CPZ: variants seen among roughly 807,000 people sequenced by gnomAD.
CPZ encodes VEZT/CPZ fusion.
In CPZ, 103 loss-of-function variants were observed where a neutral mutation model predicts 61.8. That is an observed-to-expected ratio of 1.67 (90% CI 1.42 to 1.96). CPZ has a LOEUF of 1.96. Ranked by LOEUF, CPZ falls within the 30% of genes most tolerant of loss-of-function variation. The pLI, the probability that CPZ is intolerant of heterozygous loss-of-function variation, is 0.00. For missense variants in CPZ, 1,461 were observed against 914.9 expected (o/e 1.60, Z -7.70); for synonymous variants, 551 against 373.7 (o/e 1.47, Z -5.47).
intron 9 of CPZ, among the ~76,000 whole-genome samples, chr4:8,615,533 C>G (rs1560303493): frequency 6.6e-6 from 1 of 152,356 alleles, no homozygotes; most frequent in East Asian, 1.9e-4. Flanking sequence ...GAGGGCGCAG[C>G]ACCGTACAGT....
chr4:8,613,058 C>T (rs1201181881), intron 8 of CPZ, among the ~76,000 whole-genome samples: 1 of 152,212 alleles, frequency 6.6e-6, no homozygotes, highest in East Asian at 1.9e-4. Flanking sequence ...GGGCCCTCAG[C>T]CCCCGTCATA....
chr4:8,600,686 C>A (rs939982185), intron 2 of CPZ, among the ~76,000 whole-genome samples: 2 of 152,236 alleles, frequency 1.3e-5, no homozygotes, highest in South Asian at 4.1e-4. Context: ...AAGTCCTGAG[C>A]CCCAACTGAC....
At chr4:8,596,691 C>T (rs1042454260) in intron 1 of CPZ, among the ~76,000 whole-genome samples, 4 of 152,236 alleles carry the variant, frequency 2.6e-5, no homozygotes, top group African/African-American at 9.6e-5. Flanking sequence ...GAAACTGAGG[C>T]ACGGGCAGTG....
chr4:8,610,492 G>A (rs539094454), intron 7 of CPZ, among the ~76,000 whole-genome samples: 3 of 152,186 alleles, frequency 2.0e-5, no homozygotes, highest in Non-Finnish European at 2.9e-5. Context: ...GTGACACGGT[G>A]GGTTGGGTCA....
At position 8,606,029 on chromosome 4, in the gene CPZ, C is replaced by T. The variant is rs115075586; in HGVS notation, c.750C>T (p.Asn250=). The change falls in exon 5 of 11, where the codon AAC becomes AAT. Residue 250 remains asparagine (N), a synonymous_variant. Transcript: ENST00000360986. The part of the protein sequence containing the change: ...EVKLIGNIHG[N]EVAGREMLIY... ...AGCTCATCGGCAACATTCATGGCAA[C>T]GAGGTGGCGGGCCGGGAGATGCTCA... 5,153 of 1,614,092 alleles carry T rather than the reference C, an allele frequency of 3.2e-3. 153 individuals are homozygous for T. In the African/African-American group the frequency reaches 0.056, roughly 18 times the overall value.
At chr4:8,619,137 G>C in intron 10 of CPZ, 125 bp from the exon 11 acceptor site, 1 of 764,876 alleles carries the variant, frequency 1.3e-6, no homozygotes, top group Non-Finnish European at 2.1e-6. Context: ...GGCCCACACA[G>C]AGGCAAGTGC....
At chr4:8,615,762 C>T (rs796996933) in intron 9 of CPZ, among the ~76,000 whole-genome samples, 1 of 152,204 alleles carries the variant, frequency 6.6e-6, no homozygotes, top group Non-Finnish European at 1.5e-5. Flanking sequence ...CTGCTTCTTC[C>T]CAAGCCCTCT....
At chr4:8,611,255 G>A (rs866636103) in intron 7 of CPZ, 5 of 456,248 alleles carry the variant, frequency 1.1e-5, no homozygotes, top group African/African-American at 1.0e-4. Flanking sequence ...GACCCACCAG[G>A]AGCCTCTGCC....
rs760220072 is a variant in CPZ at position 8,618,500 on chromosome 4, C to G, written c.1575C>G (p.Val525=). 7 of 1,614,068 alleles carry G rather than the reference C, an allele frequency of 4.3e-6. No individual in the cohort carries two copies. Among genetic ancestry groups the G allele is most frequent in the Non-Finnish European group, 8.5e-7 (1 of 1,180,032 alleles). ...CAGTCAAAAACGCCCGGATCTCAGTCAAAGGCATTCGCCACGACATCACCA... is the reference window on the plus strand; with the variant it reads ...CAGTCAAAAACGCCCGGATCTCAGTGAAAGGCATTCGCCACGACATCACCA... The part of the protein sequence containing the change: ...GKPVKNARIS[V]KGIRHDITTA... Residue 525 remains valine (V), a synonymous_variant, in exon 10 of 11, where the codon GTC becomes GTG. Transcript: ENST00000360986.
chr4:8,604,707 TCCTGA>T (rs1271820590), intron 4 of CPZ, among the ~76,000 whole-genome samples: 1 of 152,184 alleles, frequency 6.6e-6, no homozygotes, highest in African/African-American at 2.4e-5. Context: ...AGTCTCGAAC[TCCTGA>T]CCTCAAGTGA....
chr4:8,596,404 C>T (rs1560288306), intron 1 of CPZ, among the ~76,000 whole-genome samples: 1 of 152,242 alleles, frequency 6.6e-6, no homozygotes, highest in African/African-American at 2.4e-5. Flanking sequence ...CCCTGGCAAA[C>T]AAACCCACCC....
intron 3 of CPZ, 76 bp downstream of exon 3, chr4:8,601,573 G>A (rs527383560): frequency 2.2e-6 from 3 of 1,370,298 alleles, no homozygotes; most frequent in South Asian, 1.7e-5. Context: ...ACACTGGAAG[G>A]AACTTGAGGG....
chr4:8,609,229 CATTGT>C (rs1157106595), intron 7 of CPZ, among the ~76,000 whole-genome samples: 2 of 147,220 alleles, frequency 1.4e-5, no homozygotes, highest in African/African-American at 5.2e-5. Flanking sequence ...CTTACTCACT[CATTGT>C]CACTCATTCA....
intron 7 of CPZ, among the ~76,000 whole-genome samples, chr4:8,608,084 TAAGAAAGCGG>T (rs1303750244): frequency 2.6e-5 from 4 of 151,328 alleles, no homozygotes; most frequent in Non-Finnish European, 1.5e-5. Flanking sequence ...ACACTGTGGA[TAAGAAAGCGG>T]AGGCTGAGGG....
chr4:8,608,600 A>C (rs113231546), intron 7 of CPZ, among the ~76,000 whole-genome samples: 5,992 of 150,638 alleles, frequency 0.04, 181 homozygotes, highest in Middle Eastern at 0.058. Flanking sequence ...AGAAACTGGC[A>C]AGGAGAAGAC....
intron 1 of CPZ, among the ~76,000 whole-genome samples, chr4:8,593,791 G>A (rs1209443048): frequency 6.6e-6 from 1 of 152,200 alleles, no homozygotes; most frequent in Non-Finnish European, 1.5e-5. Flanking sequence ...CCAGTGCGCT[G>A]TGTCGACACT....
chr4:8,610,340 C>A (rs1340622260), intron 7 of CPZ, among the ~76,000 whole-genome samples: 2 of 152,218 alleles, frequency 1.3e-5, no homozygotes, highest in African/African-American at 4.8e-5. Context: ...TGGGCCCCTG[C>A]ACCCCAGGGT....
chr4:8,616,268 C>T (rs558911533), intron 9 of CPZ, among the ~76,000 whole-genome samples: 2 of 152,258 alleles, frequency 1.3e-5, no homozygotes, highest in East Asian at 1.9e-4. Flanking sequence ...TGGGAGTCTA[C>T]ATCACCTGGG....
At chr4:8,606,430 G>A (rs898678210) in intron 5 of CPZ, among the ~76,000 whole-genome samples, 4 of 152,124 alleles carry the variant, frequency 2.6e-5, no homozygotes, top group Non-Finnish European at 5.9e-5. Flanking sequence ...GGAGTCGATG[G>A]TGCCCGTGTG....
Sources: gnomAD v4.1 joint callset for allele counts (sites outside exome capture counted in the v4.1 genomes callset) on GRCh38, gnomAD v4.1.1 for gene constraint, MANE v1.5 for transcripts, NCBI Gene and HGNC (gene_info 2026-07-23, HGNC 2026-07-21) for gene names.